Variants in PPIL2 observed in about 807,000 individuals in gnomAD.
PPIL2 encodes RING-type E3 ubiquitin-protein ligase PPIL2.
A neutral mutation model predicts 75.2 loss-of-function variants in PPIL2; 50 were observed. That is an observed-to-expected ratio of 0.66 (90% CI 0.53 to 0.84). PPIL2 has a LOEUF of 0.84. Ranked by LOEUF, PPIL2 falls within the 40% of genes least tolerant of loss-of-function variation. The probability of loss-of-function intolerance (pLI) is 0.00; values close to 1 mark genes in which losing one functional copy is unlikely to be tolerated. For synonymous variants in PPIL2, 245 were observed against 258.8 expected (o/e 0.95, Z 0.51); for missense variants, 590 against 685.0 (o/e 0.86, Z 1.55).
Position 21,672,389 on chromosome 22 carries a change from G to A in PPIL2, c.243+8G>A. The A allele has an allele frequency of 6.2e-7, 1 of 1,603,176 alleles. No homozygotes were observed. Among genetic ancestry groups the A allele is most frequent in the Non-Finnish European group, 8.5e-7 (1 of 1,170,046 alleles). ...AACCCCAGCAATGGAGAGGTAGGTG[G>A]CTGTGCAGGAGTTTCAGTGATGCTA... is the stretch of plus-strand genomic sequence containing the variant. On this transcript the variant is annotated splice_region_variant and intron_variant, in intron 5 of 19. Coordinates refer to ENST00000398831, the MANE Select transcript of PPIL2 (RefSeq NM_014337.4).
intron 5 of PPIL2, among the ~76,000 whole-genome samples, chr22:21,672,647 A>G (rs546429240): frequency 7.2e-4 from 110 of 152,302 alleles, no homozygotes; most frequent in African/African-American, 2.3e-3. Flanking sequence ...CAAAGACCCT[A>G]TATAAACCTT....
intron 6 of PPIL2, among the ~76,000 whole-genome samples, chr22:21,678,611 A>G (rs1166533089): frequency 6.6e-6 from 1 of 151,882 alleles, no homozygotes; most frequent in South Asian, 2.1e-4. Flanking sequence ...CCCATCATCA[A>G]CTCCAGCCCC....
chr22:21,668,670 A>G (rs749983339), intron 1 of PPIL2, among the ~76,000 whole-genome samples: 5 of 151,366 alleles, frequency 3.3e-5, no homozygotes, highest in Non-Finnish European at 7.4e-5. Context: ...AGAAATAGAA[A>G]TCATAAGATT....
chr22:21,691,598 T>C (rs1410539478), intron 15 of PPIL2, among the ~76,000 whole-genome samples: 6 of 151,570 alleles, frequency 4.0e-5, no homozygotes, highest in Non-Finnish European at 7.4e-5. Flanking sequence ...GAGAATGGCG[T>C]GAACCCAGGA....
intron 15 of PPIL2, among the ~76,000 whole-genome samples, chr22:21,690,001 C>A (rs1197971405): frequency 6.6e-6 from 1 of 152,166 alleles, no homozygotes. Context: ...GTTGTGTGGA[C>A]TGGCTCCAGC....
chr22:21,693,903 G>T lies in PPIL2; in HGVS notation c.1196+31G>T, dbSNP rs199825669. 183 of 1,524,078 alleles carry T rather than the reference G, an allele frequency of 1.2e-4. 1 individual carries two copies. Among genetic ancestry groups the T allele is most frequent in the Non-Finnish European group, 1.6e-4 (180 of 1,098,340 alleles). 94.4% of individuals were successfully genotyped at this position (1,524,078 alleles called of 1,614,324 possible). A position where few individuals can be genotyped will look rare whatever the true frequency, so the allele number is the denominator to read the frequency against. ...GGAAGCGGCTGTGTGAAGCCTGGGG[G>T]GTCAGTGGGCTAGGTGGGTTCCTTC... On this transcript the variant is annotated intron_variant, in intron 16 of 19. Transcript: ENST00000398831.
chr22:21,675,041 A>G, intron 5 of PPIL2, 23 bp from the exon 6 acceptor site: 1 of 1,593,294 alleles, frequency 6.3e-7, no homozygotes, highest in Non-Finnish European at 8.6e-7. Context: ...ATTATCATTA[A>G]TTATTAACTG....
intron 1 of PPIL2, among the ~76,000 whole-genome samples, chr22:21,666,847 C>G (rs977481803): frequency 7.2e-5 from 11 of 152,220 alleles, no homozygotes; most frequent in African/African-American, 2.6e-4. Flanking sequence ...ACCCGTGCCC[C>G]GTGCCCCACG....
At chr22:21,692,658 G>A (rs908226393) in intron 15 of PPIL2, among the ~76,000 whole-genome samples, 4 of 150,962 alleles carry the variant, frequency 2.6e-5, no homozygotes, top group African/African-American at 9.7e-5. Flanking sequence ...AGGTGCAGTG[G>A]CTCACGCCTG....
intron 7 of PPIL2, 137 bp from the exon 8 acceptor site, chr22:21,682,300 G>A (rs763622672): frequency 2.0e-4 from 142 of 722,886 alleles, no homozygotes; most frequent in Admixed American, 2.8e-4. Flanking sequence ...CCAGTGGGGT[G>A]TACACTGCTG....
chr22:21,686,429 C>T (rs2148550361), intron 10 of PPIL2, 54 bp from the exon 11 acceptor site: 1 of 1,547,836 alleles, frequency 6.5e-7, no homozygotes, highest in East Asian at 2.3e-5. Flanking sequence ...GACACGTCCC[C>T]ACCCAACTGC....
chr22:21,681,402 C>A lies in PPIL2; in HGVS notation c.387+12C>A. 1 of 1,603,066 alleles carries A rather than the reference C, an allele frequency of 6.2e-7. No homozygotes were observed. Among genetic ancestry groups the A allele is most frequent in the Non-Finnish European group, 8.5e-7 (1 of 1,170,002 alleles). On this transcript the variant is annotated intron_variant, in intron 7 of 19. Transcript: ENST00000398831. ...TCTACGCCTATGAGGTGTGTCCTCGCTCCGGGGCGTGGAGACAGCGGTGGG... is the reference window on the plus strand; with the variant it reads ...TCTACGCCTATGAGGTGTGTCCTCGATCCGGGGCGTGGAGACAGCGGTGGG...
At chr22:21,692,433 C>T (rs1319808740) in intron 15 of PPIL2, among the ~76,000 whole-genome samples, 9 of 151,592 alleles carry the variant, frequency 5.9e-5, no homozygotes, top group South Asian at 2.1e-4. Context: ...GGATTACAGG[C>T]GTGAGCCACT....
chr22:21,670,720 G>A, intron 3 of PPIL2, 109 bp downstream of exon 3: 1 of 1,221,856 alleles, frequency 8.2e-7, no homozygotes, highest in Non-Finnish European at 1.2e-6. Context: ...GTGCCTTGAA[G>A]ATGTGGCCCT....
rs1461227878 is a variant in PPIL2 at position 21,695,077 on chromosome 22, G to C, written c.1466+7G>C. On this transcript the variant is annotated splice_region_variant and intron_variant, in intron 19 of 19. Transcript: ENST00000398831. Reference sequence around the variant, plus strand: ...ACATCAACCCAGCAGCCACGTGAGTGCCGCGGGGCTGGCCTCCCTGTTTCC... The same window carrying C: ...ACATCAACCCAGCAGCCACGTGAGTCCCGCGGGGCTGGCCTCCCTGTTTCC... 6.3e-7 allele frequency: 1 copy of C among 1,598,610 alleles called. No individual in the cohort carries two copies. Among genetic ancestry groups the C allele is most frequent in the African/African-American group, 1.3e-5 (1 of 74,704 alleles).
chr22:21,670,114 A>C, intron 2 of PPIL2, 152 bp downstream of exon 2: 1 of 919,578 alleles, frequency 1.1e-6, no homozygotes, highest in Non-Finnish European at 1.7e-6. Flanking sequence ...AGAGAAATAT[A>C]CTCAAGATAG....
intron 1 of PPIL2, among the ~76,000 whole-genome samples, chr22:21,666,582 G>A (rs2066390883): frequency 6.6e-6 from 1 of 152,184 alleles, no homozygotes; most frequent in Admixed American, 6.5e-5. Context: ...GCCGAGGCGG[G>A]CGGATCACCT....
Position 21,697,038 on chromosome 22 carries a change from G to T in PPIL2, c.*1548G>T. 2 of 1,525,142 alleles carry T rather than the reference G, an allele frequency of 1.3e-6. No individual in the cohort carries two copies. Among genetic ancestry groups the T allele is most frequent in the South Asian group, 1.2e-5 (1 of 82,862 alleles). The allele number at this position is 1,525,142 out of a possible 1,614,324, so 94.5% of individuals were successfully genotyped here. A position where few individuals can be genotyped will look rare whatever the true frequency, so the allele number is the denominator to read the frequency against. On this transcript the variant is annotated 3_prime_UTR_variant, in exon 20 of 20. Transcript: ENST00000398831. The stretch of plus-strand genomic sequence containing the variant: ...TCTGCAGCCTGTCATCCCTGTCTGT[G>T]ACCATTGGTCGGGCCCCTGGGCTCT...
intron 4 of PPIL2, among the ~76,000 whole-genome samples, chr22:21,671,819 G>A (rs1456451315): frequency 2.6e-5 from 4 of 152,170 alleles, no homozygotes; most frequent in Admixed American, 6.5e-5. Flanking sequence ...GGGAGGCTGA[G>A]GCAGGAGGAT....
Sources: allele counts gnomAD v4.1 joint callset (sites outside exome capture counted in the v4.1 genomes callset), GRCh38; gene constraint gnomAD v4.1.1; transcripts MANE v1.5; gene names NCBI Gene and HGNC (gene_info 2026-07-23, HGNC 2026-07-21).